LMBRD2: variants seen among roughly 807,000 people sequenced by gnomAD.
LMBRD2 encodes LMBR1 domain containing 2, also known as G protein-coupled receptor-associated protein LMBRD2.
Under a neutral mutation model 94.4 loss-of-function variants are expected in LMBRD2, and 55 were observed. That is an observed-to-expected ratio of 0.58 (90% CI 0.47 to 0.73). The LOEUF is 0.73. Ranked by LOEUF, LMBRD2 falls within the 30% of genes least tolerant of loss-of-function variation. LMBRD2 has a pLI of 0.00. For missense variants in LMBRD2, 640 were observed against 831.9 expected, an observed-to-expected ratio of 0.77 and a Z score of 2.84; for synonymous variants, 246 against 272.4, an observed-to-expected ratio of 0.90 and a Z score of 0.95.
At chr5:36,120,162 G>A (rs541431615) in intron 9 of LMBRD2, among the ~76,000 whole-genome samples, 4 of 151,302 alleles carry the variant, frequency 2.6e-5, no homozygotes, top group African/African-American at 7.3e-5. Flanking sequence ...GGGTTCAAGC[G>A]ATTCTCCTGC....
chr5:36,141,085 T>G, intron 4 of LMBRD2, 22 bp downstream of exon 4: 3 of 1,413,628 alleles, frequency 2.1e-6, no homozygotes, highest in Non-Finnish European at 2.9e-6. Context: ...TTTTAAAAAT[T>G]TTATCATTTA....
At chr5:36,119,523 C>G (rs1046074670) in intron 9 of LMBRD2, among the ~76,000 whole-genome samples, 4 of 152,186 alleles carry the variant, frequency 2.6e-5, no homozygotes, top group African/African-American at 2.4e-5. Flanking sequence ...ACTGTACCTG[C>G]TAAGCTAAAT....
At chr5:36,112,691 T>C (rs1282678941) in intron 13 of LMBRD2, among the ~76,000 whole-genome samples, 1 of 152,204 alleles carries the variant, frequency 6.6e-6, no homozygotes, top group African/African-American at 2.4e-5. Context: ...CTTTCGGACA[T>C]AGTGATTCCT....
At chr5:36,110,070 G>T in intron 14 of LMBRD2, 79 bp from the exon 15 acceptor site, 1 of 1,027,840 alleles carries the variant, frequency 9.7e-7, no homozygotes, top group South Asian at 1.4e-5. Context: ...AAGATAGCGG[G>T]CAATGACCAG....
At chr5:36,135,930 C>A (rs1469218016) in intron 6 of LMBRD2, among the ~76,000 whole-genome samples, 1 of 152,134 alleles carries the variant, frequency 6.6e-6, no homozygotes, top group Non-Finnish European at 1.5e-5. Context: ...CTTAGGTTAA[C>A]CTTTCGGAAA....
chr5:36,115,537 T>C (rs1743720030), intron 11 of LMBRD2, among the ~76,000 whole-genome samples: 1 of 152,182 alleles, frequency 6.6e-6, no homozygotes, highest in African/African-American at 2.4e-5. Context: ...CAAGCACAGA[T>C]ATAAAGTTGT....
chr5:36,142,363 G>C (rs1038216995), intron 3 of LMBRD2, 139 bp downstream of exon 3: 3 of 499,318 alleles, frequency 6.0e-6, no homozygotes, highest in African/African-American at 3.9e-5. Context: ...AAGTCTACTA[G>C]GAAAGAATAG....
chr5:36,138,784 C>G (rs1744333062), intron 4 of LMBRD2, among the ~76,000 whole-genome samples: 1 of 152,222 alleles, frequency 6.6e-6, no homozygotes, highest in South Asian at 2.1e-4. Context: ...AATTGAGAGA[C>G]TTTCATTTTT....
intron 6 of LMBRD2, among the ~76,000 whole-genome samples, chr5:36,127,538 GC>G (rs1172525003): frequency 7.2e-5 from 11 of 152,204 alleles, no homozygotes; most frequent in African/African-American, 2.4e-4. Context: ...GGAGTCCAGT[GC>G]CCTGAAGGGA....
intron 1 of LMBRD2, among the ~76,000 whole-genome samples, chr5:36,144,373 C>A (rs181383373): frequency 1.3e-5 from 2 of 152,202 alleles, no homozygotes; most frequent in East Asian, 3.9e-4. Flanking sequence ...CACAGAGAAT[C>A]AAGAGTGTGA....
At chr5:36,127,098 C>T (rs1340758022) in intron 6 of LMBRD2, among the ~76,000 whole-genome samples, 1 of 152,228 alleles carries the variant, frequency 6.6e-6, no homozygotes, top group African/African-American at 2.4e-5. Context: ...GTAAGGGACT[C>T]TGTCCAATTT....
chr5:36,137,777 G>C (rs1744305569), intron 4 of LMBRD2, among the ~76,000 whole-genome samples: 1 of 152,124 alleles, frequency 6.6e-6, no homozygotes, highest in Non-Finnish European at 1.5e-5. Context: ...GAGGGGGAAG[G>C]GTGATGATGG....
chr5:36,123,676 C>T (rs1293066650), intron 7 of LMBRD2, among the ~76,000 whole-genome samples: 1 of 150,604 alleles, frequency 6.6e-6, no homozygotes, highest in Non-Finnish European at 1.5e-5. Context: ...AAAACCTTAA[C>T]TTTATTAAAT....
chr5:36,116,649 A>C, intron 10 of LMBRD2, 56 bp from the exon 11 acceptor site: 1 of 1,520,436 alleles, frequency 6.6e-7, no homozygotes, highest in Non-Finnish European at 9.0e-7. Flanking sequence ...TTTAGCACTT[A>C]ACAATTACAG....
At chr5:36,118,733 C>T (rs951202244) in intron 9 of LMBRD2, among the ~76,000 whole-genome samples, 9 of 151,714 alleles carry the variant, frequency 5.9e-5, no homozygotes, top group African/African-American at 2.2e-4. Flanking sequence ...TCACTGCAAC[C>T]TCTGCCTCCG....
intron 6 of LMBRD2, 135 bp downstream of exon 6, chr5:36,136,174 C>T (rs987338408): frequency 2.6e-6 from 2 of 779,914 alleles, no homozygotes; most frequent in Admixed American, 3.8e-5. Context: ...GATGAGACAT[C>T]CTGAAGGATT....
At chr5:36,114,983 C>A in intron 12 of LMBRD2, 32 bp downstream of exon 12, 1 of 1,362,602 alleles carries the variant, frequency 7.3e-7, no homozygotes, top group Non-Finnish European at 1.0e-6. Context: ...AGATAGTGAA[C>A]CTAAGGAATT....
chr5:36,150,108 A>C (rs1185819443), intron 1 of LMBRD2, among the ~76,000 whole-genome samples: 1 of 152,198 alleles, frequency 6.6e-6, no homozygotes, highest in African/African-American at 2.4e-5. Flanking sequence ...GATTAGAAGG[A>C]AGGCAAAAAA....
At position 36,122,952 on chromosome 5, in the gene LMBRD2, C is replaced by T; in HGVS notation, c.832G>A (p.Glu278Lys). 1 of 1,503,134 alleles carries T rather than the reference C, an allele frequency of 6.7e-7. No individual in the cohort carries two copies. Among genetic ancestry groups the T allele is most frequent in the Non-Finnish European group, 8.8e-7 (1 of 1,138,632 alleles). 93.1% of individuals were successfully genotyped at this position (1,503,134 alleles called of 1,614,324 possible). Residue 278 changes from glutamate to lysine, a missense_variant, in exon 8 of 18, where the codon GAG (glutamate) becomes AAG (lysine). Glu to Lys is a moderately conservative substitution (Grantham distance 56, BLOSUM62 1). Coordinates refer to ENST00000296603, the MANE Select transcript of LMBRD2 (RefSeq NM_001007527.2). The stretch of plus-strand genomic sequence containing the variant: ...TTCCTACCCATTTTTTCCTGATACT[C>T]TGTAGGGCACTAAAAAAAAAAAAAA... ...VDTILKKCPT[E>K]YQEKMGRNMD...
Sources: allele counts gnomAD v4.1 joint callset (sites outside exome capture counted in the v4.1 genomes callset), GRCh38; gene constraint gnomAD v4.1.1; transcripts MANE v1.5; gene names NCBI Gene and HGNC (gene_info 2026-07-23, HGNC 2026-07-21).